LCLAT1: variants seen among roughly 807,000 people sequenced by gnomAD.
LCLAT1 encodes 1-AGP acyltransferase 8.
LCLAT1 carries 11 observed loss-of-function variants against 30.7 expected under a neutral mutation model. That is an observed-to-expected ratio of 0.36 (90% CI 0.23 to 0.59). LCLAT1 has a LOEUF of 0.59. Ranked by LOEUF, LCLAT1 falls within the 20% of genes least tolerant of loss-of-function variation. LCLAT1 has a pLI of 0.77. For synonymous variants in LCLAT1, 155 were observed against 151.3 expected, an observed-to-expected ratio of 1.02 and a Z score of -0.18; for missense variants, 402 against 458.6, an observed-to-expected ratio of 0.88 and a Z score of 1.13.
chr2:30,639,255 G>T (rs1218855116), intron 5 of LCLAT1, among the ~76,000 whole-genome samples: 3 of 152,114 alleles, frequency 2.0e-5, no homozygotes, highest in Non-Finnish European at 4.4e-5. Flanking sequence ...CACCTTACGT[G>T]TTCCCATAAG....
intron 1 of LCLAT1, among the ~76,000 whole-genome samples, chr2:30,452,383 A>AT (rs200058814): frequency 0.016 from 2,374 of 145,858 alleles, 24 homozygotes; most frequent in African/African-American, 0.024. Flanking sequence ...GAAAAGTATA[A>AT]TTTTTTTTTT....
At position 30,575,647 on chromosome 2, in the gene LCLAT1, A is replaced by C. The variant is rs761344741; in HGVS notation, c.628+7471A>C. ...TAACTACCGGAGGATAAAAGAGTAC[A>C]TTTTTTTTCTAGATTATGTATACTA... On this transcript the variant is annotated intron_variant, in intron 5 of 5. Coordinates refer to ENST00000379509, the MANE Select transcript of LCLAT1 (RefSeq NM_001002257.3). Among the ~76,000 whole-genome samples the C allele has an allele frequency of 5.9e-5, 9 of 151,976 alleles. 1 individual carries two copies. Among genetic ancestry groups the C allele is most frequent in the Non-Finnish European group, 8.8e-5 (6 of 67,984 alleles).
chr2:30,482,918 G>T (rs1417720313), intron 1 of LCLAT1, among the ~76,000 whole-genome samples: 1 of 152,068 alleles, frequency 6.6e-6, no homozygotes, highest in Non-Finnish European at 1.5e-5. Context: ...TAGAATCTTA[G>T]ATCATCAAAA....
intron 1 of LCLAT1, among the ~76,000 whole-genome samples, chr2:30,493,732 A>G (rs1683956908): frequency 6.6e-6 from 1 of 152,218 alleles, no homozygotes; most frequent in Non-Finnish European, 1.5e-5. Flanking sequence ...TTTATGGACT[A>G]GAATAATGGG....
intron 1 of LCLAT1, among the ~76,000 whole-genome samples, chr2:30,501,666 CTCTG>C (rs1033510809): frequency 6.6e-6 from 1 of 152,022 alleles, no homozygotes; most frequent in Admixed American, 6.6e-5. Context: ...CAGAGTGAGA[CTCTG>C]TCTCAAGAAA....
chr2:30,529,698 T>TA lies in LCLAT1; in HGVS notation c.166-3417dup, dbSNP rs1258058905. Among the ~76,000 whole-genome samples the TA allele has an allele frequency of 3.3e-5, 5 of 152,318 alleles. No individual in the cohort carries two copies. The East Asian group carries it at 9.6e-4, about 29-fold the overall frequency. ...ACAAGTTTCTTCCACAGCCTTCTGATACCATTCCAGTCCTAGCACAAAACA... is the reference window on the plus strand; with the variant it reads ...ACAAGTTTCTTCCACAGCCTTCTGATAACCATTCCAGTCCTAGCACAAAACA... On this transcript the variant is annotated intron_variant, in intron 2 of 5. Coordinates refer to ENST00000379509, the MANE Select transcript of LCLAT1 (RefSeq NM_001002257.3).
chr2:30,616,882 A>C (rs891056173), intron 5 of LCLAT1, among the ~76,000 whole-genome samples: 2 of 152,318 alleles, frequency 1.3e-5, no homozygotes, highest in East Asian at 3.9e-4. Flanking sequence ...AATTTGTTTC[A>C]AACTCTAAAT....
At chr2:30,475,160 G>T (rs1682986284) in intron 1 of LCLAT1, among the ~76,000 whole-genome samples, 2 of 151,476 alleles carry the variant, frequency 1.3e-5, no homozygotes, top group Admixed American at 6.6e-5. Context: ...ACCACCACTG[G>T]TTAATAAATT....
chr2:30,491,851 A>G (rs829654), intron 1 of LCLAT1, among the ~76,000 whole-genome samples: 109,512 of 152,038 alleles, frequency 0.72, 40,920 homozygotes, highest in East Asian at 0.87. Context: ...AATAATAACC[A>G]ATAAACTGAT....
intron 1 of LCLAT1, among the ~76,000 whole-genome samples, chr2:30,498,944 A>G (rs577988631): frequency 6.6e-5 from 10 of 152,216 alleles, no homozygotes; most frequent in Non-Finnish European, 1.5e-4. Flanking sequence ...CTCACTTTAA[A>G]TGTAGATTAT....
rs1309721187 is a variant in LCLAT1, at chr2:30,558,030, A to G, written c.365-4116A>G. Among the ~76,000 whole-genome samples the G allele has an allele frequency of 3.3e-5, 5 of 152,182 alleles. No homozygotes were observed. The East Asian group carries it at 9.6e-4, about 29-fold the overall frequency. On this transcript the variant is annotated intron_variant, in intron 3 of 5. Transcript: ENST00000379509. ...TATCAATCATGAACTAGTGAAAGCT[A>G]AAACAGTAAAGCTAATAGAAGAACA...
intron 5 of LCLAT1, among the ~76,000 whole-genome samples, chr2:30,595,465 C>T (rs1666891340): frequency 6.6e-6 from 1 of 152,136 alleles, no homozygotes; most frequent in African/African-American, 2.4e-5. Flanking sequence ...TTCTTAGTGC[C>T]TCCTGAACAC....
intron 1 of LCLAT1, among the ~76,000 whole-genome samples, chr2:30,468,578 G>C (rs932066604): frequency 6.6e-6 from 1 of 152,004 alleles, no homozygotes; most frequent in Non-Finnish European, 1.5e-5. Flanking sequence ...ATTTTAAAGT[G>C]GACAAATCAG....
At chr2:30,567,978 C>CA (rs1403432419) in intron 4 of LCLAT1, 82 bp from the exon 5 acceptor site, 36 of 684,926 alleles carry the variant, frequency 5.3e-5, no homozygotes, top group Non-Finnish European at 6.5e-5. Flanking sequence ...TATTTTTTAT[C>CA]AAAAAAAATT....
chr2:30,451,642 A>C (rs1173030140), intron 1 of LCLAT1, among the ~76,000 whole-genome samples: 12 of 121,060 alleles, frequency 9.9e-5, no homozygotes, highest in Non-Finnish European at 3.7e-5. Flanking sequence ...CCAGTTGTAC[A>C]TCAGCAGTAG....
intron 1 of LCLAT1, among the ~76,000 whole-genome samples, chr2:30,464,821 T>C (rs556310049): frequency 6.6e-6 from 1 of 152,346 alleles, no homozygotes; most frequent in South Asian, 2.1e-4. Flanking sequence ...ATCTAATTCC[T>C]GACGAAAAGG....
At chr2:30,629,855 T>C (rs1057462982) in intron 5 of LCLAT1, among the ~76,000 whole-genome samples, 11 of 152,198 alleles carry the variant, frequency 7.2e-5, no homozygotes, top group Admixed American at 1.3e-4. Flanking sequence ...TAACATGTTT[T>C]AGAAAGTCTT....
intron 5 of LCLAT1, among the ~76,000 whole-genome samples, chr2:30,610,531 C>G (rs1667686136): frequency 1.3e-5 from 2 of 152,064 alleles, no homozygotes. Flanking sequence ...TTAAGATCAT[C>G]TTTATATTAA....
At chr2:30,572,118 TC>T (rs1665805156) in intron 5 of LCLAT1, among the ~76,000 whole-genome samples, 1 of 152,344 alleles carries the variant, frequency 6.6e-6, no homozygotes, top group East Asian at 1.9e-4. Context: ...TGCCATGGTA[TC>T]GCTTTAGACC....
Sources: gnomAD v4.1 joint callset for allele counts (sites outside exome capture counted in the v4.1 genomes callset) on GRCh38, gnomAD v4.1.1 for gene constraint, MANE v1.5 for transcripts, NCBI Gene and HGNC (gene_info 2026-07-23, HGNC 2026-07-21) for gene names.